The following PIP5K1B variants were observed in gnomAD, a reference collection of about 807,000 sequenced individuals.
The protein encoded by PIP5K1B is phosphatidylinositol-4-phosphate 5-kinase type 1 beta, also known as phosphatidylinositol 4-phosphate 5-kinase type-1 beta.
In PIP5K1B, 42 loss-of-function variants were observed where a neutral mutation model predicts 67.0. The observed-to-expected ratio is 0.63, with a 90% CI of 0.49 to 0.81. The LOEUF (loss-of-function observed/expected upper bound fraction) is 0.81, where lower values mean the gene tolerates loss of function less well. Ranked by LOEUF, PIP5K1B falls within the 30% of genes least tolerant of loss-of-function variation. The pLI is 0.00. For synonymous variants in PIP5K1B, 214 were observed against 231.4 expected (o/e 0.92, Z 0.68); for missense variants, 459 against 646.3 (o/e 0.71, Z 3.14).
At chr9:68,906,481 T>A (rs1232249726) in intron 8 of PIP5K1B, among the ~76,000 whole-genome samples, 1 of 152,218 alleles carries the variant, frequency 6.6e-6, no homozygotes, top group African/African-American at 2.4e-5. Context: ...TGAATTGATA[T>A]ATAACATTCA....
chr9:68,736,093 G>A (rs1828723961), intron 1 of PIP5K1B, among the ~76,000 whole-genome samples: 1 of 152,184 alleles, frequency 6.6e-6, no homozygotes, highest in African/African-American at 2.4e-5. Flanking sequence ...TGTCGTGGGA[G>A]CTGTGTACTG....
intron 14 of PIP5K1B, among the ~76,000 whole-genome samples, chr9:68,949,440 A>G (rs957263228): frequency 5.3e-5 from 8 of 152,232 alleles, no homozygotes; most frequent in African/African-American, 1.9e-4. Flanking sequence ...GTTCTTTCTG[A>G]GTAGTGAAAC....
At chr9:68,943,730 T>C (rs1170912919) in intron 14 of PIP5K1B, among the ~76,000 whole-genome samples, 1 of 152,216 alleles carries the variant, frequency 6.6e-6, no homozygotes, top group Non-Finnish European at 1.5e-5. Flanking sequence ...GATTTTTCTC[T>C]TTATGAATCA....
chr9:68,810,570 A>G lies in PIP5K1B; in HGVS notation c.-85-7891A>G, dbSNP rs114997420. Among the ~76,000 whole-genome samples, 844 of 152,280 alleles carry G rather than the reference A, an allele frequency of 5.5e-3. 11 individuals are homozygous for G. The highest frequency in any genetic ancestry group is 0.019 in the African/African-American group (809 of 41,558). On this transcript the variant is annotated intron_variant, in intron 2 of 15. Transcript: ENST00000265382. Reference sequence around the variant, plus strand: ...TAGTTAAGTGATTAGGTAATTAGCAATTCTCCCACTTATTTGGCCATGTAT... The same window carrying G: ...TAGTTAAGTGATTAGGTAATTAGCAGTTCTCCCACTTATTTGGCCATGTAT...
chr9:68,804,853 G>A (rs1234844864), intron 2 of PIP5K1B, among the ~76,000 whole-genome samples: 1 of 152,192 alleles, frequency 6.6e-6, no homozygotes, highest in East Asian at 1.9e-4. Context: ...GTTGTTGGAA[G>A]AATTAAATGA....
Position 69,008,612 on chromosome 9 carries a change from T to G in PIP5K1B, c.*163T>G, listed in dbSNP as rs184805387. ...AGTTTTCAAGATGTCAACTTCAGGC[T>G]GATCAGCAGATGGGATGTGAAAAAT... On this transcript the variant is annotated 3_prime_UTR_variant, in exon 16 of 16. Coordinates refer to ENST00000265382, the MANE Select transcript of PIP5K1B (RefSeq NM_003558.4). 1.3e-3 allele frequency: 928 copies of G among 704,348 alleles called. 6 individuals carry two copies. Among genetic ancestry groups the G allele is most frequent in the Non-Finnish European group, 3.3e-4 (127 of 380,916 alleles). 43.6% of individuals were successfully genotyped at this position (704,348 alleles called of 1,614,324 possible).
chr9:68,795,568 C>A (rs745670533), intron 2 of PIP5K1B, among the ~76,000 whole-genome samples: 1 of 152,080 alleles, frequency 6.6e-6, no homozygotes, highest in African/African-American at 2.4e-5. Context: ...TGATAGATAA[C>A]GCTTGGAAAA....
intron 15 of PIP5K1B, among the ~76,000 whole-genome samples, chr9:68,999,340 A>G (rs17407816): frequency 0.25 from 38,571 of 152,086 alleles, 5,205 homozygotes; most frequent in Non-Finnish European, 0.3. Flanking sequence ...CCTCTACCTT[A>G]CCGAGGGACC....
intron 14 of PIP5K1B, among the ~76,000 whole-genome samples, chr9:68,944,140 A>G (rs1343814634): frequency 6.6e-6 from 1 of 152,190 alleles, no homozygotes; most frequent in Non-Finnish European, 1.5e-5. Flanking sequence ...CTTGTGTTAG[A>G]GCATGCAGAT....
chr9:68,926,207 T>C (rs1185871596), intron 12 of PIP5K1B, among the ~76,000 whole-genome samples: 1 of 152,150 alleles, frequency 6.6e-6, no homozygotes, highest in East Asian at 1.9e-4. Context: ...TCTAGCCCTT[T>C]AATGTTCTAG....
intron 1 of PIP5K1B, among the ~76,000 whole-genome samples, chr9:68,714,094 A>G (rs1361163741): frequency 6.6e-6 from 1 of 152,252 alleles, no homozygotes; most frequent in African/African-American, 2.4e-5. Flanking sequence ...TTTAAAAAGG[A>G]GAACATAAGC....
intron 2 of PIP5K1B, among the ~76,000 whole-genome samples, chr9:68,744,861 C>T (rs1564102926): frequency 6.6e-6 from 1 of 152,160 alleles, no homozygotes; most frequent in Non-Finnish European, 1.5e-5. Flanking sequence ...ACTGTTTCCA[C>T]AGTCTCTAGA....
intron 14 of PIP5K1B, chr9:68,966,717 G>A (rs1427719931): frequency 3.3e-5 from 5 of 152,294 alleles, no homozygotes; most frequent in African/African-American, 1.2e-4. Context: ...ACAAAATCTG[G>A]ATATAGTATG....
intron 3 of PIP5K1B, among the ~76,000 whole-genome samples, chr9:68,822,250 GT>G (rs1208104514): frequency 1.3e-5 from 2 of 151,860 alleles, no homozygotes; most frequent in African/African-American, 4.8e-5. Context: ...GAACTGAAGA[GT>G]TTGAGGCTGC....
chr9:68,935,287 C>T (rs1276220387), intron 13 of PIP5K1B, among the ~76,000 whole-genome samples: 3 of 151,968 alleles, frequency 2.0e-5, no homozygotes, highest in East Asian at 3.9e-4. Context: ...GCCAACATGG[C>T]GAAACCCTGT....
chr9:68,724,006 CT>C (rs1828031088), intron 1 of PIP5K1B, among the ~76,000 whole-genome samples: 1 of 151,912 alleles, frequency 6.6e-6, no homozygotes, highest in Admixed American at 6.6e-5. Flanking sequence ...AGTTTTAGGC[CT>C]TACATTTAAG....
At chr9:68,778,365 T>C (rs918124874) in intron 2 of PIP5K1B, among the ~76,000 whole-genome samples, 2 of 152,238 alleles carry the variant, frequency 1.3e-5, no homozygotes, top group Admixed American at 6.5e-5. Context: ...CCTTGTGTTC[T>C]TCTGCTTCAG....
At chr9:68,836,989 G>A (rs991176284) in intron 4 of PIP5K1B, among the ~76,000 whole-genome samples, 1 of 152,220 alleles carries the variant, frequency 6.6e-6, no homozygotes, top group African/African-American at 2.4e-5. Flanking sequence ...TCTACTCCTG[G>A]AATAGGAAAT....
At chr9:68,871,009 A>G (rs1823598415) in intron 5 of PIP5K1B, among the ~76,000 whole-genome samples, 1 of 152,118 alleles carries the variant, frequency 6.6e-6, no homozygotes, top group Non-Finnish European at 1.5e-5. Flanking sequence ...AATTAGTTTT[A>G]CCCCATTGCT....
Sources: allele counts gnomAD v4.1 joint callset (sites outside exome capture counted in the v4.1 genomes callset), GRCh38; gene constraint gnomAD v4.1.1; transcripts MANE v1.5; gene names NCBI Gene and HGNC (gene_info 2026-07-23, HGNC 2026-07-21).